Variants in EYS observed in about 807,000 individuals in gnomAD.
The protein encoded by EYS is protein eyes shut homolog.
EYS carries 250 observed loss-of-function variants against 282.1 expected under a neutral mutation model. The ratio of observed to expected loss-of-function variants is 0.89; its 90% CI spans 0.80 to 0.98. The LOEUF (loss-of-function observed/expected upper bound fraction) is 0.98, where lower values mean the gene tolerates loss of function less well. Ranked by LOEUF, EYS falls within the 50% of genes least tolerant of loss-of-function variation. EYS has a pLI of 0.00. For missense variants in EYS, 4,016 were observed against 3,709.0 expected (o/e 1.08, Z -2.15); for synonymous variants, 1,355 against 1,282.9 (o/e 1.06, Z -1.20).
intron 33 of EYS, among the ~76,000 whole-genome samples, chr6:64,000,390 C>G (rs972926424): frequency 6.7e-6 from 1 of 150,146 alleles, no homozygotes; most frequent in Non-Finnish European, 1.5e-5. Flanking sequence ...GAGATGGAAA[C>G]CAGTGTGAGC....
At chr6:65,692,091 C>A (rs1319090266) in intron 1 of EYS, among the ~76,000 whole-genome samples, 1 of 150,158 alleles carries the variant, frequency 6.7e-6, no homozygotes, top group African/African-American at 2.4e-5. Context: ...CAATACTACT[C>A]AGGAATAAAA....
chr6:63,830,369 C>G (rs1771595420), intron 36 of EYS, among the ~76,000 whole-genome samples: 1 of 152,116 alleles, frequency 6.6e-6, no homozygotes. Flanking sequence ...GTAAAGAAGA[C>G]CTTAAATGAC....
At chr6:64,990,375 A>G (rs1191797994) in intron 14 of EYS, among the ~76,000 whole-genome samples, 2 of 151,650 alleles carry the variant, frequency 1.3e-5, no homozygotes, top group Non-Finnish European at 3.0e-5. Context: ...GAATGTAACT[A>G]TTGATTGATT....
intron 36 of EYS, among the ~76,000 whole-genome samples, chr6:63,829,717 G>T (rs894333552): frequency 1.1e-4 from 17 of 152,128 alleles, no homozygotes; most frequent in African/African-American, 3.9e-4. Context: ...GAGAGTAGTG[G>T]TTCTCACAGC....
chr6:64,958,582 A>T lies in EYS; in HGVS notation c.2260-12668T>A, dbSNP rs9453132. Among the ~76,000 whole-genome samples, 1,004 of 151,244 alleles carry T rather than the reference A, an allele frequency of 6.6e-3. 13 individuals carry two copies. Among genetic ancestry groups the T allele is most frequent in the African/African-American group, 0.023 (937 of 41,264 alleles). ...AACCCCGTCTCTACTAAAAATACAA[A>T]AAATTAGCCGGGCGCAGTGGCGGGC... On this transcript the variant is annotated intron_variant, in intron 14 of 42. Transcript: ENST00000503581.
intron 26 of EYS, among the ~76,000 whole-genome samples, chr6:64,581,476 G>T (rs1470042615): frequency 6.6e-6 from 1 of 151,616 alleles, no homozygotes; most frequent in African/African-American, 2.4e-5. Flanking sequence ...ATCATTTTAT[G>T]GTATTTTATT....
chr6:65,527,515 C>A (rs1451227551), intron 2 of EYS, among the ~76,000 whole-genome samples: 1 of 152,168 alleles, frequency 6.6e-6, no homozygotes. Context: ...TAAAAGTCAT[C>A]CAGTTTCTCT....
chr6:65,591,037 T>C (rs1261318917), intron 2 of EYS, among the ~76,000 whole-genome samples: 1 of 152,050 alleles, frequency 6.6e-6, no homozygotes, highest in African/African-American at 2.4e-5. Context: ...TTTTTAATTA[T>C]TTGAGGGATC....
intron 26 of EYS, among the ~76,000 whole-genome samples, chr6:64,568,927 T>C (rs1765636133): frequency 7.0e-6 from 1 of 143,240 alleles, no homozygotes; most frequent in Admixed American, 7.4e-5. Context: ...CAGAAAGGAA[T>C]AGCATCAACA....
intron 26 of EYS, among the ~76,000 whole-genome samples, chr6:64,516,589 T>C (rs1777566203): frequency 1.3e-5 from 1 of 74,712 alleles, no homozygotes; most frequent in Non-Finnish European, 3.1e-5. Flanking sequence ...TGAAGTTGAG[T>C]CTGAAGTTGA....
intron 22 of EYS, among the ~76,000 whole-genome samples, chr6:64,760,293 T>C (rs1301207337): frequency 1.3e-5 from 2 of 152,120 alleles, no homozygotes; most frequent in African/African-American, 4.8e-5. Context: ...TCAGATATTA[T>C]CTTGTATATA....
At chr6:64,584,625 T>G (rs1766175229) in intron 26 of EYS, among the ~76,000 whole-genome samples, 1 of 152,098 alleles carries the variant, frequency 6.6e-6, no homozygotes, top group Admixed American at 6.6e-5. Context: ...CATTTTGAAT[T>G]TGATACTCTG....
chr6:65,638,436 G>A (rs901340729), intron 2 of EYS, among the ~76,000 whole-genome samples: 2 of 152,206 alleles, frequency 1.3e-5, no homozygotes, highest in African/African-American at 2.4e-5. Context: ...CGATGAAAAG[G>A]AGAGAAGAGC....
At chr6:64,712,337 A>G (rs1177320413) in intron 22 of EYS, among the ~76,000 whole-genome samples, 1 of 152,208 alleles carries the variant, frequency 6.6e-6, no homozygotes, top group East Asian at 1.9e-4. Context: ...AGTTAAAGAG[A>G]TAAGAGTGTT....
chr6:64,947,637 G>A (rs766616333), intron 14 of EYS, among the ~76,000 whole-genome samples: 3 of 144,754 alleles, frequency 2.1e-5, no homozygotes, highest in Non-Finnish European at 3.0e-5. Context: ...CATTGGTTGC[G>A]TTTGGCTTAT....
At chr6:63,933,272 T>A (rs778574564) in intron 35 of EYS, among the ~76,000 whole-genome samples, 1 of 152,120 alleles carries the variant, frequency 6.6e-6, no homozygotes, top group African/African-American at 2.4e-5. Context: ...TCACTCTGTC[T>A]CCCAGGCTGG....
intron 24 of EYS, among the ~76,000 whole-genome samples, chr6:64,610,258 A>T (rs886154148): frequency 1.3e-5 from 2 of 152,180 alleles, no homozygotes; most frequent in African/African-American, 4.8e-5. Flanking sequence ...TCTACCAAAT[A>T]CATTCTTCCA....
chr6:64,350,728 G>A (rs80274744), intron 29 of EYS, among the ~76,000 whole-genome samples: 3,532 of 151,690 alleles, frequency 0.023, 110 homozygotes, highest in African/African-American at 0.073. Context: ...CTGTATACAA[G>A]TTAATTCGGT....
intron 29 of EYS, among the ~76,000 whole-genome samples, chr6:64,378,688 C>A (rs1297612868): frequency 3.9e-5 from 6 of 152,268 alleles, no homozygotes; most frequent in African/African-American, 1.2e-4. Flanking sequence ...AAAGCCCAAG[C>A]AAGCATAAAT....
Sources: allele counts gnomAD v4.1 joint callset (sites outside exome capture counted in the v4.1 genomes callset), GRCh38; gene constraint gnomAD v4.1.1; transcripts MANE v1.5; gene names NCBI Gene and HGNC (gene_info 2026-07-23, HGNC 2026-07-21).